SYN2: variants seen among roughly 807,000 people sequenced by gnomAD.
The protein encoded by SYN2 is synapsin-2.
Under a neutral mutation model 50.9 loss-of-function variants are expected in SYN2, and 19 were observed. The ratio of observed to expected loss-of-function variants is 0.37; its 90% CI spans 0.26 to 0.55. The LOEUF is 0.55. Among genes scored for constraint, SYN2 ranks in the 20% least tolerant of loss-of-function variants. The pLI, the probability that SYN2 is intolerant of heterozygous loss-of-function variation, is 0.81. For synonymous variants in SYN2, 255 were observed against 224.9 expected (o/e 1.13, Z -1.20); for missense variants, 587 against 576.4 (o/e 1.02, Z -0.19).
Position 12,039,549 on chromosome 3 carries a change from ATTT to A in SYN2, c.377+34643_377+34645del, listed in dbSNP as rs60746238. Among the ~76,000 whole-genome samples the A allele has an allele frequency of 2.3e-3, 272 of 117,986 alleles. 1 individual carries two copies. The highest frequency in any genetic ancestry group is 3.2e-3 in the Admixed American group (35 of 10,950). The allele number at this position is 117,986 out of a possible 152,430, so 77.4% of individuals were successfully genotyped here. A position where few individuals can be genotyped will look rare whatever the true frequency, so the allele number is the denominator to read the frequency against. On this transcript the variant is annotated intron_variant, in intron 1 of 12. Coordinates refer to ENST00000621198, the MANE Select transcript of SYN2 (RefSeq NM_133625.6). ...CAGATGAGAAAACAAAGAAGCAAAG[ATTT>A]TTTTTTTTTTTTTTTTTTTTTGTCA...
chr3:12,086,219 T>C (rs1457885205), intron 1 of SYN2, among the ~76,000 whole-genome samples: 1 of 152,026 alleles, frequency 6.6e-6, no homozygotes, highest in Non-Finnish European at 1.5e-5. Flanking sequence ...GGAGATTGAA[T>C]AAGTAATAAA....
chr3:12,087,400 T>A (rs1695726173), intron 1 of SYN2, among the ~76,000 whole-genome samples: 1 of 152,112 alleles, frequency 6.6e-6, no homozygotes, highest in African/African-American at 2.4e-5. Context: ...TACAAATATC[T>A]AAAGCAATCC....
chr3:12,147,552 C>T (rs760369890), intron 4 of SYN2, among the ~76,000 whole-genome samples: 1 of 151,986 alleles, frequency 6.6e-6, no homozygotes, highest in Non-Finnish European at 1.5e-5. Flanking sequence ...TTTTGTGGAC[C>T]TCCCCTTTCT....
intron 1 of SYN2, among the ~76,000 whole-genome samples, chr3:12,105,822 G>C (rs1185842595): frequency 6.6e-6 from 1 of 152,014 alleles, no homozygotes; most frequent in Non-Finnish European, 1.5e-5. Context: ...CTGAAGGGAG[G>C]CCACATGTTA....
At chr3:12,184,219 A>T (rs917647777) in intron 11 of SYN2, 15 of 985,716 alleles carry the variant, frequency 1.5e-5, no homozygotes, top group Admixed American at 1.2e-4. Context: ...TGAGATTTTT[A>T]AAAAATGGGG....
At chr3:12,075,967 T>A (rs758335543) in intron 1 of SYN2, among the ~76,000 whole-genome samples, 3 of 152,192 alleles carry the variant, frequency 2.0e-5, no homozygotes, top group Non-Finnish European at 4.4e-5. Flanking sequence ...CATATGTTAA[T>A]TCACTTAATC....
chr3:12,018,493 T>A (rs17612402), intron 1 of SYN2, among the ~76,000 whole-genome samples: 7,263 of 152,240 alleles, frequency 0.048, 246 homozygotes, highest in East Asian at 0.14. Flanking sequence ...GGCAAAAATA[T>A]CAGTTCTTCC....
At chr3:12,087,265 T>A (rs1219358739) in intron 1 of SYN2, among the ~76,000 whole-genome samples, 1 of 152,150 alleles carries the variant, frequency 6.6e-6, no homozygotes, top group African/African-American at 2.4e-5. Context: ...GACATTAATG[T>A]TGTTAAAATA....
chr3:12,177,040 G>A (rs978384438), intron 10 of SYN2, among the ~76,000 whole-genome samples: 5 of 152,194 alleles, frequency 3.3e-5, no homozygotes, highest in African/African-American at 1.2e-4. Context: ...GACATGCTGA[G>A]ATCCAGACTG....
At chr3:12,048,340 G>A (rs1047400491) in intron 1 of SYN2, among the ~76,000 whole-genome samples, 4 of 152,078 alleles carry the variant, frequency 2.6e-5, no homozygotes, top group Admixed American at 6.5e-5. Flanking sequence ...GCTAATTTTT[G>A]TATTTTTTGT....
chr3:12,187,441 C>T lies in SYN2; in HGVS notation c.1442C>T (p.Pro481Leu). The change falls in exon 12 of 13, where the codon CCA (proline) becomes CTA (leucine). Residue 481 changes from proline (P) to leucine (L), a missense_variant. Coordinates refer to ENST00000621198, the MANE Select transcript of SYN2 (RefSeq NM_133625.6). Reference sequence around the variant, plus strand: ...CCTCCACGCCGGCTCCCCCCTGGACCATCACTGCCACCTTCCTCCTCTTCC... The same window carrying T: ...CCTCCACGCCGGCTCCCCCCTGGACTATCACTGCCACCTTCCTCCTCTTCC... Reference protein sequence around the residue: ...VLPPRRLPPGPSLPPSSSSSS... With the variant: ...VLPPRRLPPGLSLPPSSSSSS... The T allele has an allele frequency of 6.4e-7, 1 of 1,553,228 alleles. No individual in the cohort carries two copies. The highest frequency in any genetic ancestry group is 8.7e-7 in the Non-Finnish European group (1 of 1,147,624).
chr3:12,101,939 C>G (rs1696085917), intron 1 of SYN2, among the ~76,000 whole-genome samples: 1 of 152,074 alleles, frequency 6.6e-6, no homozygotes, highest in Non-Finnish European at 1.5e-5. Flanking sequence ...GCAATTTAGC[C>G]TAGCAACTAG....
At chr3:12,155,765 T>C (rs1027379427) in intron 5 of SYN2, among the ~76,000 whole-genome samples, 13 of 152,224 alleles carry the variant, frequency 8.5e-5, no homozygotes, top group African/African-American at 3.1e-4. Context: ...ACATGTTTCC[T>C]CATTTCCCCT....
At chr3:12,067,710 A>G (rs1001146251) in intron 1 of SYN2, among the ~76,000 whole-genome samples, 2 of 152,008 alleles carry the variant, frequency 1.3e-5, no homozygotes, top group Non-Finnish European at 2.9e-5. Context: ...CTCAAATTCT[A>G]TCTCTCTGTC....
chr3:12,167,190 G>A, intron 7 of SYN2, 44 bp from the exon 8 acceptor site: 1 of 1,593,010 alleles, frequency 6.3e-7, no homozygotes, highest in Non-Finnish European at 8.6e-7. Context: ...CCTCTTGCTG[G>A]TGTGGCTCAC....
At chr3:12,161,381 C>T (rs1697644796) in intron 5 of SYN2, among the ~76,000 whole-genome samples, 165 bp from the exon 6 acceptor site, 1 of 152,192 alleles carries the variant, frequency 6.6e-6, no homozygotes, top group South Asian at 2.1e-4. Flanking sequence ...ACCCTGGGAA[C>T]TCACTGTCAT....
chr3:12,145,711 A>T lies in SYN2; in HGVS notation c.560A>T (p.Gln187Leu). ...CGGCCAGACTTCGTGCTCATCCGGC[A>T]GCATGCATTTGGCATGGCGGAGAAT... ...SFRPDFVLIR[Q>L]HAFGMAENED... is the part of the protein sequence containing the mutation. The change falls in exon 4 of 13, where the codon CAG (glutamine) becomes CTG (leucine). Residue 187 changes from glutamine (Q) to leucine (L), a missense_variant. Physicochemically the swap from Gln to Leu is moderately radical, Grantham distance 113. Coordinates refer to ENST00000621198, the MANE Select transcript of SYN2 (RefSeq NM_133625.6). 6.2e-7 allele frequency: 1 copy of T among 1,614,020 alleles called. No homozygotes were observed. The highest frequency in any genetic ancestry group is 8.5e-7 in the Non-Finnish European group (1 of 1,179,880).
intron 10 of SYN2, among the ~76,000 whole-genome samples, chr3:12,181,635 A>G (rs1007660757): frequency 2.0e-5 from 3 of 152,246 alleles, no homozygotes; most frequent in African/African-American, 7.2e-5. Context: ...TGTCAGCTCT[A>G]GGTGATTTAG....
chr3:12,095,777 C>A (rs1489983649), intron 1 of SYN2, among the ~76,000 whole-genome samples: 1 of 151,156 alleles, frequency 6.6e-6, no homozygotes, highest in East Asian at 2.0e-4. Flanking sequence ...CAAAACAGAG[C>A]CCTTAGTTGT....
Sources: gnomAD v4.1 joint callset for allele counts (sites outside exome capture counted in the v4.1 genomes callset) on GRCh38, gnomAD v4.1.1 for gene constraint, MANE v1.5 for transcripts, NCBI Gene and HGNC (gene_info 2026-07-23, HGNC 2026-07-21) for gene names.